The following PTPN3 variants were observed in gnomAD, a reference collection of about 807,000 sequenced individuals.
PTPN3 encodes protein tyrosine phosphatase non-receptor type 3.
Under a neutral mutation model 132.7 loss-of-function variants are expected in PTPN3, and 96 were observed. That is an observed-to-expected ratio of 0.72 (90% CI 0.61 to 0.86). The LOEUF (loss-of-function observed/expected upper bound fraction) is 0.86, where lower values mean the gene tolerates loss of function less well. Ranked by LOEUF, PTPN3 falls within the 40% of genes least tolerant of loss-of-function variation. The pLI, the probability that PTPN3 is intolerant of heterozygous loss-of-function variation, is 0.00. For synonymous variants in PTPN3, 398 were observed against 429.0 expected (o/e 0.93, Z 0.89); for missense variants, 1,125 against 1,159.6 (o/e 0.97, Z 0.43).
intron 19 of PTPN3, 86 bp downstream of exon 19, chr9:109,404,362 C>T: frequency 9.7e-7 from 1 of 1,028,588 alleles, no homozygotes; most frequent in South Asian, 3.6e-5. Flanking sequence ...GGGCTTGTGT[C>T]TCTGCCTCAT....
rs1190166924 is a variant in PTPN3, at chr9:109,427,124, TG to T, written c.829-3del. On this transcript the variant is annotated splice_polypyrimidine_tract_variant and splice_region_variant and intron_variant, in intron 11 of 25. Coordinates refer to ENST00000374541, the MANE Select transcript of PTPN3 (RefSeq NM_002829.4). Reference sequence around the variant, plus strand: ...CACAATATGTTCCCTGGATTCAGCCTGGGAGGAAAAACAGTCAAGATTTCAC... The same window carrying T: ...CACAATATGTTCCCTGGATTCAGCCTGGAGGAAAAACAGTCAAGATTTCAC... 1.2e-6 allele frequency: 2 copies of T among 1,613,622 alleles called. No individual in the cohort carries two copies. Among genetic ancestry groups the T allele is most frequent in the Non-Finnish European group, 1.7e-6 (2 of 1,179,828 alleles).
At chr9:109,381,558 G>T in intron 25 of PTPN3, 94 bp downstream of exon 25, 5 of 1,508,684 alleles carry the variant, frequency 3.3e-6, no homozygotes, top group Non-Finnish European at 4.6e-6. Context: ...CCCCTGAGCT[G>T]CAGTCTGTTG....
chr9:109,391,032 G>A (rs1179699609), intron 21 of PTPN3, 106 bp downstream of exon 21: 1 of 1,003,930 alleles, frequency 1.0e-6, no homozygotes, highest in Non-Finnish European at 1.5e-6. Context: ...AAATGCGGTG[G>A]TGAACGGGAA....
At chr9:109,503,319 A>C in the PTPN3 span, among the ~76,000 whole-genome samples, 6 of 152,188 alleles carry the variant, frequency 3.9e-5, no homozygotes, top group African/African-American at 1.2e-4. Context: ...AGGACACTTC[A>C]TCCCCTGAGC....
rs1841656775 is a variant in PTPN3, at chr9:109,407,420, A to G, written c.1636-802T>C. On this transcript the variant is annotated intron_variant, in intron 17 of 25. Coordinates refer to ENST00000374541, the MANE Select transcript of PTPN3 (RefSeq NM_002829.4). Reference sequence around the variant, plus strand: ...AATAGGTTAACTATGGAAAGTGATGAACATGTTAATTTGTTTGACTGCAGT... The same window carrying G: ...AATAGGTTAACTATGGAAAGTGATGGACATGTTAATTTGTTTGACTGCAGT... Among the ~76,000 whole-genome samples the G allele has an allele frequency of 3.3e-5, 5 of 152,234 alleles. No homozygotes were observed. The South Asian group carries it at 1.0e-3, about 32-fold the overall frequency.
intron 5 of PTPN3, chr9:109,450,679 T>G: frequency 1.0e-6 from 1 of 985,098 alleles, no homozygotes; most frequent in Non-Finnish European, 1.2e-6. Context: ...TGATCTAAAT[T>G]TATCAGAAAC....
At chr9:109,428,830 ATGGCAGCCCCACTGCCGC>A in intron 10 of PTPN3, 146 bp from the exon 11 acceptor site, 6 of 1,428,006 alleles carry the variant, frequency 4.2e-6, no homozygotes, top group Non-Finnish European at 5.5e-6. Flanking sequence ...TGTAGAAATG[ATGGCAGCCCCACTGCCGC>A]AGGCTAATAC....
chr9:109,431,128 A>G (rs577552215), intron 10 of PTPN3, among the ~76,000 whole-genome samples: 2 of 152,354 alleles, frequency 1.3e-5, no homozygotes, highest in Middle Eastern at 3.4e-3. Flanking sequence ...GACAGGAGCC[A>G]TCTTGATGTT....
chr9:109,535,151 T>A, the PTPN3 span, among the ~76,000 whole-genome samples: 2 of 152,236 alleles, frequency 1.3e-5, no homozygotes, highest in Non-Finnish European at 2.9e-5. Flanking sequence ...GTGGTTCGTA[T>A]TTCTCATCTC....
chr9:109,488,357 C>A (rs1018329944), intron 1 of PTPN3, among the ~76,000 whole-genome samples: 2 of 152,116 alleles, frequency 1.3e-5, no homozygotes, highest in Non-Finnish European at 2.9e-5. Context: ...GCCTCTGCCT[C>A]CCAAAGTGCT....
chr9:109,415,307 G>A (rs1473427484), intron 14 of PTPN3, among the ~76,000 whole-genome samples: 1 of 152,164 alleles, frequency 6.6e-6, no homozygotes, highest in Non-Finnish European at 1.5e-5. Context: ...CTAGGGTACT[G>A]TGTAAGGCCA....
At chr9:109,490,525 G>A (rs949855968) in intron 1 of PTPN3, among the ~76,000 whole-genome samples, 2 of 152,056 alleles carry the variant, frequency 1.3e-5, no homozygotes, top group African/African-American at 2.4e-5. Flanking sequence ...ATCACCTGAG[G>A]TCGGGAGTTG....
At position 109,382,460 on chromosome 9, in the gene PTPN3, C is replaced by T; in HGVS notation, c.2383-13G>A. The T allele has an allele frequency of 6.2e-7, 1 of 1,613,750 alleles. No individual in the cohort carries two copies. Among genetic ancestry groups the T allele is most frequent in the Non-Finnish European group, 8.5e-7 (1 of 1,179,946 alleles). On this transcript the variant is annotated splice_polypyrimidine_tract_variant and intron_variant, in intron 23 of 25. Transcript: ENST00000374541. ...GTTCTTCCCCGGTCTGTGGGAGATG[C>T]AGTGGCCTTGGTGAGCCCATCCAGG...
the PTPN3 span, among the ~76,000 whole-genome samples, chr9:109,526,624 G>A: frequency 2.0e-5 from 3 of 152,138 alleles, no homozygotes; most frequent in Admixed American, 2.0e-4. Context: ...GCAGTGGGCT[G>A]CGTTCATGCC....
chr9:109,386,509 G>A (rs1173503309), intron 22 of PTPN3, among the ~76,000 whole-genome samples: 1 of 152,176 alleles, frequency 6.6e-6, no homozygotes, highest in Non-Finnish European at 1.5e-5. Flanking sequence ...AAAAGAAAGA[G>A]GGAAGTCAGA....
chr9:109,445,362 C>T lies in PTPN3; in HGVS notation c.414-70G>A, dbSNP rs563813903. On this transcript the variant is annotated intron_variant, in intron 6 of 25. Transcript: ENST00000374541. ...CAGCCTTAAACATTGACAGATCATG[C>T]GTAGTAACACATGTCTTTCTTTGCT... The T allele has an allele frequency of 3.0e-5, 39 of 1,305,686 alleles. No individual in the cohort carries two copies. In the African/African-American group the frequency reaches 4.1e-4, roughly 14 times the overall value. 80.9% of individuals were successfully genotyped at this position (1,305,686 alleles called of 1,614,324 possible). A position where few individuals can be genotyped will look rare whatever the true frequency, so the allele number is the denominator to read the frequency against.
chr9:109,509,424 G>A, the PTPN3 span, among the ~76,000 whole-genome samples: 113 of 152,184 alleles, frequency 7.4e-4, no homozygotes, highest in African/African-American at 2.6e-3. Flanking sequence ...TAGGCTCAGG[G>A]GCCTCTCCCT....
At chr9:109,533,022 C>T in the PTPN3 span, 2 of 356,140 alleles carry the variant, frequency 5.6e-6, no homozygotes, top group Non-Finnish European at 8.7e-6. Flanking sequence ...ATGGCGCGAT[C>T]TCGGCTCACT....
At chr9:109,490,071 T>C (rs1847387978) in intron 1 of PTPN3, among the ~76,000 whole-genome samples, 1 of 151,786 alleles carries the variant, frequency 6.6e-6, no homozygotes, top group Non-Finnish European at 1.5e-5. Flanking sequence ...TAATCTCAGT[T>C]ACTTGGGAGG....
Sources: gnomAD v4.1 joint callset for allele counts (sites outside exome capture counted in the v4.1 genomes callset) on GRCh38, gnomAD v4.1.1 for gene constraint, MANE v1.5 for transcripts, NCBI Gene and HGNC (gene_info 2026-07-23, HGNC 2026-07-21) for gene names.